ADAMTS9: variants seen among roughly 807,000 people sequenced by gnomAD.
ADAMTS9 encodes the protein A disintegrin and metalloproteinase with thrombospondin motifs 9.
In ADAMTS9, 107 loss-of-function variants were observed where a neutral mutation model predicts 257.1. That is an observed-to-expected ratio of 0.42 (90% CI 0.36 to 0.49). ADAMTS9 has a LOEUF of 0.49. Among genes scored for constraint, ADAMTS9 ranks in the 20% least tolerant of loss-of-function variants. The pLI, the probability that ADAMTS9 is intolerant of heterozygous loss-of-function variation, is 0.03. For missense variants in ADAMTS9, 2,353 were observed against 2,469.1 expected (o/e 0.95, Z 1.00); for synonymous variants, 982 against 880.9 (o/e 1.11, Z -2.03).
chr3:64,632,932 G>A (rs1559801884), intron 14 of ADAMTS9, among the ~76,000 whole-genome samples: 1 of 152,060 alleles, frequency 6.6e-6, no homozygotes, highest in African/African-American at 2.4e-5. Flanking sequence ...ATGGTATCTA[G>A]CCCCTGAGAA....
At chr3:64,628,608 T>C (rs921143183) in intron 16 of ADAMTS9, among the ~76,000 whole-genome samples, 24 of 152,178 alleles carry the variant, frequency 1.6e-4, no homozygotes, top group Admixed American at 1.5e-3. Flanking sequence ...TAAACAGTCC[T>C]CCAAGAACTT....
chr3:64,623,463 T>C (rs1026735121), intron 16 of ADAMTS9, among the ~76,000 whole-genome samples: 1 of 152,320 alleles, frequency 6.6e-6, no homozygotes, highest in East Asian at 1.9e-4. Context: ...CAGATAATAC[T>C]ACATTCCTAA....
At chr3:64,645,387 C>T (rs980004534) in intron 11 of ADAMTS9, among the ~76,000 whole-genome samples, 6 of 152,052 alleles carry the variant, frequency 3.9e-5, no homozygotes, top group African/African-American at 1.4e-4. Context: ...AATAAAGAGA[C>T]ATTAGTGAGT....
chr3:64,604,151 G>C (rs2084515849), intron 24 of ADAMTS9, 62 bp from the exon 25 acceptor site: 1 of 1,602,638 alleles, frequency 6.2e-7, no homozygotes, highest in African/African-American at 1.3e-5. Context: ...CTGGACAGTA[G>C]CCCACTTTCT....
intron 2 of ADAMTS9, among the ~76,000 whole-genome samples, chr3:64,683,367 T>A (rs564969473): frequency 6.6e-6 from 1 of 152,340 alleles, no homozygotes; most frequent in Admixed American, 6.5e-5. Flanking sequence ...CGTGCCTTTT[T>A]ATAAAAGAAC....
rs571663049 is a variant in ADAMTS9, at chr3:64,560,784, C to T, written c.4698+794G>A. ...CTCTTCATGGTGGGGAATTTCCTGC[C>T]TTATTTTTCATTATCTCTGCACCTC... is the stretch of plus-strand genomic sequence containing the variant. On this transcript the variant is annotated intron_variant, in intron 30 of 39. Transcript: ENST00000498707. Among the ~76,000 whole-genome samples the T allele has an allele frequency of 5.3e-5, 8 of 152,248 alleles. No homozygotes were observed. The South Asian group carries it at 1.7e-3, about 32-fold the overall frequency.
intron 31 of ADAMTS9, among the ~76,000 whole-genome samples, chr3:64,549,299 G>T (rs1386406568): frequency 6.6e-6 from 1 of 152,074 alleles, no homozygotes; most frequent in East Asian, 1.9e-4. Flanking sequence ...TCTTTTGGGG[G>T]TTATGGTTAT....
At chr3:64,602,495 A>C (rs2084481896) in intron 25 of ADAMTS9, among the ~76,000 whole-genome samples, 1 of 152,086 alleles carries the variant, frequency 6.6e-6, no homozygotes, top group African/African-American at 2.4e-5. Context: ...AATACCCAAA[A>C]TCCTTACATT....
intron 22 of ADAMTS9, among the ~76,000 whole-genome samples, chr3:64,610,527 A>T (rs571552363): frequency 1.6e-4 from 24 of 152,280 alleles, no homozygotes; most frequent in African/African-American, 5.8e-4. Context: ...AAAATTGGCA[A>T]AGAAGTTGAA....
At chr3:64,654,284 T>C (rs1369028344) in intron 8 of ADAMTS9, 69 bp downstream of exon 8, 12 of 1,447,844 alleles carry the variant, frequency 8.3e-6, no homozygotes, top group African/African-American at 1.4e-5. Flanking sequence ...AAGTAAATGC[T>C]CACTGATGCG....
intron 38 of ADAMTS9, among the ~76,000 whole-genome samples, chr3:64,528,582 T>C (rs2082939289): frequency 6.6e-6 from 1 of 152,130 alleles, no homozygotes; most frequent in African/African-American, 2.4e-5. Flanking sequence ...GGCAGCCATG[T>C]GGACAGGCTA....
intron 28 of ADAMTS9, among the ~76,000 whole-genome samples, chr3:64,570,383 G>T (rs1277520879): frequency 6.6e-6 from 1 of 152,152 alleles, no homozygotes; most frequent in South Asian, 2.1e-4. Flanking sequence ...ACTTCCTGGG[G>T]TCAGGCAGCA....
intron 36 of ADAMTS9, among the ~76,000 whole-genome samples, 189 bp from the exon 37 acceptor site, chr3:64,539,483 T>C (rs924688007): frequency 6.6e-6 from 1 of 152,186 alleles, no homozygotes; most frequent in Admixed American, 6.5e-5. Context: ...CTGATTATAT[T>C]TGTGGTTCTG....
intron 38 of ADAMTS9, chr3:64,522,543 T>G: frequency 3.8e-6 from 1 of 261,772 alleles, no homozygotes; most frequent in Non-Finnish European, 7.3e-6. Flanking sequence ...TCTTGACACA[T>G]AAAATCATAT....
chr3:64,598,466 C>T (rs1431953074), intron 26 of ADAMTS9, among the ~76,000 whole-genome samples: 3 of 151,834 alleles, frequency 2.0e-5, no homozygotes, highest in Non-Finnish European at 4.4e-5. Flanking sequence ...CGTTGGTGTA[C>T]ACTACCACAC....
intron 29 of ADAMTS9, among the ~76,000 whole-genome samples, chr3:64,562,689 G>A (rs957834853): frequency 6.6e-6 from 1 of 152,128 alleles, no homozygotes; most frequent in African/African-American, 2.4e-5. Context: ...TTGGTCTGGT[G>A]TTGAGAAAAT....
chr3:64,556,716 T>C (rs1208315174), intron 30 of ADAMTS9, among the ~76,000 whole-genome samples: 6 of 136,654 alleles, frequency 4.4e-5, no homozygotes, highest in Non-Finnish European at 6.1e-5. Flanking sequence ...TATGTTTTTT[T>C]CCTTCCTTCC....
chr3:64,627,392 A>G (rs990056057), intron 16 of ADAMTS9, among the ~76,000 whole-genome samples: 5 of 152,284 alleles, frequency 3.3e-5, no homozygotes, highest in South Asian at 2.1e-4. Context: ...GATGAAAAAA[A>G]AAAATCCTAT....
intron 32 of ADAMTS9, among the ~76,000 whole-genome samples, chr3:64,542,430 C>CTTTTTTTTTTT (rs56812239): frequency 3.2e-5 from 4 of 124,562 alleles, no homozygotes; most frequent in South Asian, 2.6e-4. Context: ...TTCTTTCTTT[C>CTTTTTTTTTTT]TTTTTTTTTT....
Sources: allele counts gnomAD v4.1 joint callset (sites outside exome capture counted in the v4.1 genomes callset), GRCh38; gene constraint gnomAD v4.1.1; transcripts MANE v1.5; gene names NCBI Gene and HGNC (gene_info 2026-07-23, HGNC 2026-07-21).